Variants in MEF2A observed in about 807,000 individuals in gnomAD.
MEF2A encodes myocyte enhancer factor 2A.
MEF2A carries 28 observed loss-of-function variants against 55.8 expected under a neutral mutation model. That is an observed-to-expected ratio of 0.50 (90% CI 0.37 to 0.69). The LOEUF (loss-of-function observed/expected upper bound fraction) is 0.69. Among genes scored for constraint, MEF2A ranks in the 30% least tolerant of loss-of-function variants. The pLI, the probability that MEF2A is intolerant of heterozygous loss-of-function variation, is 0.00. For synonymous variants in MEF2A, 239 were observed against 227.1 expected (o/e 1.05, Z -0.47); for missense variants, 528 against 626.2 (o/e 0.84, Z 1.67).
At chr15:99,575,393 G>A (rs1297031839) in intron 1 of MEF2A, among the ~76,000 whole-genome samples, 1 of 152,048 alleles carries the variant, frequency 6.6e-6, no homozygotes, top group Non-Finnish European at 1.5e-5. Context: ...TGTTTTGTAG[G>A]ATGTCCATCA....
intron 1 of MEF2A, among the ~76,000 whole-genome samples, chr15:99,583,206 A>G (rs1966444406): frequency 1.3e-5 from 2 of 152,058 alleles, no homozygotes; most frequent in South Asian, 2.1e-4. Context: ...TTAGATTGGT[A>G]GTTGGTATTA....
At chr15:99,660,477 C>T (rs553849832) in intron 4 of MEF2A, among the ~76,000 whole-genome samples, 1 of 152,228 alleles carries the variant, frequency 6.6e-6, no homozygotes, top group Non-Finnish European at 1.5e-5. Context: ...ACATAATCTT[C>T]GTACTCTTTC....
intron 2 of MEF2A, among the ~76,000 whole-genome samples, chr15:99,614,057 A>G (rs1596482311): frequency 6.6e-6 from 1 of 152,116 alleles, no homozygotes; most frequent in Non-Finnish European, 1.5e-5. Flanking sequence ...TCTGCCTCCT[A>G]GTGTGACTTT....
At chr15:99,607,207 A>G (rs991175292) in intron 2 of MEF2A, among the ~76,000 whole-genome samples, 1 of 152,206 alleles carries the variant, frequency 6.6e-6, no homozygotes, top group African/African-American at 2.4e-5. Context: ...TGCTACCACA[A>G]TAATCAGGAA....
rs377238580 is a variant in MEF2A, at chr15:99,622,736, T to G, written c.-142-10242T>G. ...TTTCTTTTTTGAGATGGAGTCTCGCTCTGTCACCCAGGCTGGAGTGCAGTG... is the reference window on the plus strand; with the variant it reads ...TTTCTTTTTTGAGATGGAGTCTCGCGCTGTCACCCAGGCTGGAGTGCAGTG... On this transcript the variant is annotated intron_variant, in intron 2 of 11. Coordinates refer to ENST00000557942, the MANE Select transcript of MEF2A (RefSeq NM_001319206.4). Among the ~76,000 whole-genome samples the G allele has an allele frequency of 1.0e-4, 14 of 139,286 alleles. No homozygotes were observed. The East Asian group carries it at 2.2e-3, about 22-fold the overall frequency. 91.4% of individuals were successfully genotyped at this position (139,286 alleles called of 152,430 possible).
intron 7 of MEF2A, among the ~76,000 whole-genome samples, chr15:99,676,934 C>T (rs768277440): frequency 4.0e-5 from 6 of 151,794 alleles, no homozygotes; most frequent in Admixed American, 6.6e-5. Flanking sequence ...AAGCCTGGCC[C>T]ACATGGCAAA....
chr15:99,682,881 A>G (rs1158214261), intron 7 of MEF2A, among the ~76,000 whole-genome samples: 1 of 152,240 alleles, frequency 6.6e-6, no homozygotes, highest in East Asian at 1.9e-4. Context: ...TTGAGTATAA[A>G]TCAAGTAAAG....
intron 2 of MEF2A, among the ~76,000 whole-genome samples, chr15:99,601,018 T>C (rs1420210522): frequency 6.6e-6 from 1 of 152,218 alleles, no homozygotes; most frequent in Admixed American, 6.5e-5. Flanking sequence ...TTGAATCTTA[T>C]TAATGCGTGA....
intron 4 of MEF2A, among the ~76,000 whole-genome samples, chr15:99,660,262 C>T (rs961787526): frequency 4.6e-5 from 7 of 152,140 alleles, no homozygotes; most frequent in African/African-American, 9.7e-5. Context: ...AGTGCAATGG[C>T]GTGATCTTGG....
At chr15:99,662,900 G>A (rs1567360931) in intron 4 of MEF2A, among the ~76,000 whole-genome samples, 1 of 152,186 alleles carries the variant, frequency 6.6e-6, no homozygotes, top group Non-Finnish European at 1.5e-5. Context: ...GATTTAAGGT[G>A]GGTGGTCAAA....
At chr15:99,657,736 C>G (rs1271332240) in intron 4 of MEF2A, among the ~76,000 whole-genome samples, 1 of 151,966 alleles carries the variant, frequency 6.6e-6, no homozygotes, top group Non-Finnish European at 1.5e-5. Flanking sequence ...AAACTGGGGC[C>G]TTAAGAAAAG....
Position 99,685,513 on chromosome 15 carries a change from G to A in MEF2A, c.671-4728G>A, listed in dbSNP as rs1196322029. ...TCAGCTTGGTCATTGTTGGTGTATAGCAGTGCTGTTGATTTTGTGTCCTGA... is the reference window on the plus strand; with the variant it reads ...TCAGCTTGGTCATTGTTGGTGTATAACAGTGCTGTTGATTTTGTGTCCTGA... On this transcript the variant is annotated intron_variant, in intron 7 of 11. Transcript: ENST00000557942. Among the ~76,000 whole-genome samples, 10 of 152,034 alleles carry A rather than the reference G, an allele frequency of 6.6e-5. No individual in the cohort carries two copies. The South Asian group carries it at 1.7e-3, about 25-fold the overall frequency.
chr15:99,612,277 C>T (rs186424419), intron 2 of MEF2A, among the ~76,000 whole-genome samples: 249 of 151,868 alleles, frequency 1.6e-3, no homozygotes, highest in African/African-American at 5.8e-3. Flanking sequence ...ATTAGCTGGG[C>T]GCGGTGGTGG....
At chr15:99,678,897 T>C (rs2052654517) in intron 7 of MEF2A, 1 of 154,728 alleles carries the variant, frequency 6.5e-6, no homozygotes, top group African/African-American at 2.4e-5. Context: ...TAAGAATACC[T>C]ACAAATCAGT....
intron 7 of MEF2A, among the ~76,000 whole-genome samples, chr15:99,676,889 C>T (rs996672750): frequency 2.6e-5 from 4 of 151,978 alleles, no homozygotes; most frequent in Non-Finnish European, 4.4e-5. Context: ...TTCCAGAATG[C>T]CCGGAAAAGC....
chr15:99,655,923 G>A (rs917760196), intron 4 of MEF2A, among the ~76,000 whole-genome samples: 2 of 152,052 alleles, frequency 1.3e-5, no homozygotes, highest in African/African-American at 2.4e-5. Flanking sequence ...AGGAAGCCGC[G>A]TCCAAATTGA....
chr15:99,626,117 T>C (rs2042007027), intron 2 of MEF2A, among the ~76,000 whole-genome samples: 1 of 152,202 alleles, frequency 6.6e-6, no homozygotes, highest in Admixed American at 6.5e-5. Context: ...TAATTACCAA[T>C]TCAATCTCCT....
At chr15:99,659,429 G>T (rs1290655453) in intron 4 of MEF2A, among the ~76,000 whole-genome samples, 2 of 152,096 alleles carry the variant, frequency 1.3e-5, no homozygotes, top group Non-Finnish European at 2.9e-5. Flanking sequence ...TAAGATCATG[G>T]AGGAACTGGA....
intron 1 of MEF2A, among the ~76,000 whole-genome samples, chr15:99,588,703 A>G (rs901703013): frequency 2.0e-5 from 3 of 151,934 alleles, no homozygotes; most frequent in Non-Finnish European, 2.9e-5. Flanking sequence ...TCAGCCTCCC[A>G]AAGTGCTGGA....
Sources: gnomAD v4.1 joint callset for allele counts (sites outside exome capture counted in the v4.1 genomes callset) on GRCh38, gnomAD v4.1.1 for gene constraint, MANE v1.5 for transcripts, NCBI Gene and HGNC (gene_info 2026-07-23, HGNC 2026-07-21) for gene names.